Variants in DPP10 observed in about 807,000 individuals in gnomAD.
The protein encoded by DPP10 is dipeptidyl peptidase like 10, also known as inactive dipeptidyl peptidase 10.
In DPP10, 33 loss-of-function variants were observed where a neutral mutation model predicts 120.9. The ratio of observed to expected loss-of-function variants is 0.27; its 90% CI spans 0.21 to 0.37. DPP10 has a LOEUF of 0.37. DPP10 is among the 10% of genes least tolerant of loss of function. DPP10 has a pLI of 1.00. For synonymous variants in DPP10, 337 were observed against 326.1 expected, an observed-to-expected ratio of 1.03 and a Z score of -0.36; for missense variants, 816 against 942.8, an observed-to-expected ratio of 0.87 and a Z score of 1.76.
intron 1 of DPP10, among the ~76,000 whole-genome samples, chr2:114,671,067 T>C (rs1222532947): frequency 6.6e-6 from 1 of 152,174 alleles, no homozygotes; most frequent in African/African-American, 2.4e-5. Flanking sequence ...GAAGCAAATT[T>C]GGTTGACAAG....
intron 1 of DPP10, among the ~76,000 whole-genome samples, chr2:115,140,887 T>C (rs986254848): frequency 2.7e-5 from 4 of 148,192 alleles, no homozygotes; most frequent in African/African-American, 5.0e-5. Flanking sequence ...ACTTCTTAGC[T>C]ATTCGTGGAC....
chr2:115,345,678 GCATTT>G (rs1273283298), intron 3 of DPP10, among the ~76,000 whole-genome samples: 1 of 152,028 alleles, frequency 6.6e-6, no homozygotes, highest in Non-Finnish European at 1.5e-5. Flanking sequence ...CTATTTAGAG[GCATTT>G]ACTCCTGTGT....
At chr2:114,719,549 C>T (rs1345333705) in intron 1 of DPP10, among the ~76,000 whole-genome samples, 1 of 152,110 alleles carries the variant, frequency 6.6e-6, no homozygotes, top group Non-Finnish European at 1.5e-5. Flanking sequence ...CATAAGTGGG[C>T]CTTTAACATA....
At chr2:115,718,167 T>C (rs1429298492) in intron 7 of DPP10, among the ~76,000 whole-genome samples, 5 of 138,156 alleles carry the variant, frequency 3.6e-5, no homozygotes, top group African/African-American at 1.3e-4. Context: ...GCAAATTACT[T>C]ACTACTAGCT....
chr2:114,707,691 GT>G (rs1322575557), intron 1 of DPP10, among the ~76,000 whole-genome samples: 7 of 152,154 alleles, frequency 4.6e-5, no homozygotes, highest in African/African-American at 1.7e-4. Flanking sequence ...TGCAAGGTAG[GT>G]CAGAAATTAG....
At chr2:115,716,461 G>C (rs2092496854) in intron 7 of DPP10, among the ~76,000 whole-genome samples, 1 of 152,098 alleles carries the variant, frequency 6.6e-6, no homozygotes, top group African/African-American at 2.4e-5. Flanking sequence ...ATCTCATAGG[G>C]AGAAAAAGAC....
chr2:115,160,027 G>A (rs1000763596), intron 1 of DPP10, among the ~76,000 whole-genome samples: 8 of 152,224 alleles, frequency 5.3e-5, no homozygotes, highest in East Asian at 3.9e-4. Context: ...ATAAAAATGC[G>A]AACATTTTCT....
intron 1 of DPP10, among the ~76,000 whole-genome samples, chr2:115,032,882 CAAAA>C (rs1380337520): frequency 3.6e-5 from 3 of 83,194 alleles, no homozygotes; most frequent in Non-Finnish European, 5.1e-5. Context: ...AAGACTCCGT[CAAAA>C]AAAAAAAAAA....
intron 1 of DPP10, among the ~76,000 whole-genome samples, chr2:115,307,770 A>T (rs2061418980): frequency 6.6e-6 from 1 of 152,112 alleles, no homozygotes; most frequent in African/African-American, 2.4e-5. Flanking sequence ...ATTCCAGATA[A>T]GGGTTTATGG....
At chr2:115,622,829 C>CTTTTTTTTTTTTTTTTTTTTTTTTTTTT (rs765780452) in intron 5 of DPP10, among the ~76,000 whole-genome samples, 1 of 128,338 alleles carries the variant, frequency 7.8e-6, no homozygotes, top group Non-Finnish European at 1.6e-5. Flanking sequence ...TTCGTTTATT[C>CTTTTTTTTTTTTTTTTTTTTTTTTTTTT]TTTTTTTTTT....
intron 24 of DPP10, among the ~76,000 whole-genome samples, chr2:115,840,038 C>T (rs1326817354): frequency 6.6e-6 from 1 of 151,880 alleles, no homozygotes; most frequent in African/African-American, 2.4e-5. Context: ...TAGTAATCTT[C>T]AAAATGAAAT....
chr2:115,523,994 G>C (rs775557758), intron 4 of DPP10, among the ~76,000 whole-genome samples: 6 of 152,146 alleles, frequency 3.9e-5, no homozygotes, highest in Non-Finnish European at 8.8e-5. Context: ...GTACAAGATA[G>C]GTGTAAACCC....
In DPP10 at chr2:114,785,198, G is replaced by T. The variant is rs186434856; in HGVS notation, c.60+342360G>T. On this transcript the variant is annotated intron_variant, in intron 1 of 25. Coordinates refer to ENST00000410059, the MANE Select transcript of DPP10 (RefSeq NM_020868.6). ...GTTTCATAATTTTAATAAAAATAGA[G>T]ATCACACTGTTTATTTGGCAGAGGC... Among the ~76,000 whole-genome samples, 39 of 151,748 alleles carry T rather than the reference G, an allele frequency of 2.6e-4. 1 individual carries two copies. In the East Asian group the frequency reaches 7.0e-3, roughly 27 times the overall value.
chr2:115,166,783 T>C (rs554718637), intron 1 of DPP10, among the ~76,000 whole-genome samples: 116 of 152,044 alleles, frequency 7.6e-4, no homozygotes, highest in African/African-American at 2.5e-3. Flanking sequence ...GCACATTACA[T>C]TGGAAACAAA....
At chr2:114,572,362 A>T (rs1161292269) in intron 1 of DPP10, among the ~76,000 whole-genome samples, 1 of 152,326 alleles carries the variant, frequency 6.6e-6, no homozygotes, top group Non-Finnish European at 1.5e-5. Flanking sequence ...CCCCAAAATA[A>T]TACAACTTGT....
At chr2:115,658,261 A>G (rs2088579265) in intron 5 of DPP10, among the ~76,000 whole-genome samples, 1 of 152,058 alleles carries the variant, frequency 6.6e-6, no homozygotes, top group African/African-American at 2.4e-5. Flanking sequence ...ATATGCATCT[A>G]ATAGAGACTT....
chr2:114,854,320 A>G (rs954879354), intron 1 of DPP10, among the ~76,000 whole-genome samples: 2 of 152,230 alleles, frequency 1.3e-5, no homozygotes, highest in Non-Finnish European at 2.9e-5. Flanking sequence ...ATTGACCTCT[A>G]CTAATTACAA....
chr2:115,738,402 A>C (rs1172735100), intron 8 of DPP10, among the ~76,000 whole-genome samples: 1 of 151,904 alleles, frequency 6.6e-6, no homozygotes, highest in Non-Finnish European at 1.5e-5. Flanking sequence ...TTGTTTCCTA[A>C]TCTTTACATC....
At chr2:114,575,604 A>T (rs1164852358) in intron 1 of DPP10, among the ~76,000 whole-genome samples, 1 of 152,236 alleles carries the variant, frequency 6.6e-6, no homozygotes, top group African/African-American at 2.4e-5. Flanking sequence ...TAATACATTT[A>T]AAAACAAAGA....
Sources: allele counts gnomAD v4.1 joint callset (sites outside exome capture counted in the v4.1 genomes callset), GRCh38; gene constraint gnomAD v4.1.1; transcripts MANE v1.5; gene names NCBI Gene and HGNC (gene_info 2026-07-23, HGNC 2026-07-21).